The following LDLRAD4 variants were observed in gnomAD, a reference collection of about 807,000 sequenced individuals.
LDLRAD4 encodes low-density lipoprotein receptor class A domain-containing protein 4.
LDLRAD4 carries 5 observed loss-of-function variants against 17.0 expected under a neutral mutation model. That is an observed-to-expected ratio of 0.29 (90% CI 0.15 to 0.62). LDLRAD4 has a LOEUF of 0.62. LDLRAD4 is among the 20% of genes least tolerant of loss of function. LDLRAD4 has a pLI of 0.84. For missense variants in LDLRAD4, 340 were observed against 424.7 expected (o/e 0.80, Z 1.75); for synonymous variants, 168 against 171.8 (o/e 0.98, Z 0.17).
At chr18:13,319,569 A>T (rs2081111854) in intron 1 of LDLRAD4, among the ~76,000 whole-genome samples, 1 of 152,106 alleles carries the variant, frequency 6.6e-6, no homozygotes, top group African/African-American at 2.4e-5. Flanking sequence ...TCACTAGATG[A>T]CTCTCTCATT....
intron 1 of LDLRAD4, among the ~76,000 whole-genome samples, chr18:13,310,290 A>G (rs1416080726): frequency 1.3e-5 from 2 of 151,624 alleles, no homozygotes; most frequent in South Asian, 2.1e-4. Context: ...TCGATGCTGA[A>G]GTGAGCTATG....
At position 13,440,178 on chromosome 18, in the gene LDLRAD4, G is replaced by A. The variant is rs184765145; in HGVS notation, c.181+1794G>A. 2.8e-4 allele frequency among the ~76,000 whole-genome samples: 42 copies of A among 152,250 alleles called. No individual in the cohort carries two copies. The highest frequency in any genetic ancestry group is 9.1e-4 in the African/African-American group (38 of 41,548). ...GGAGCCCCGGCCTCTGCTCTGGGGC[G>A]CTCCACAGGCCTCTTCTGGTCTGCG... On this transcript the variant is annotated intron_variant, in intron 3 of 5. Coordinates refer to ENST00000359446, the Ensembl canonical transcript of LDLRAD4. The surrounding 1 kb of genome is among the most constrained non-coding windows in gnomAD (Gnocchi z 4.4).
intron 3 of LDLRAD4, among the ~76,000 whole-genome samples, chr18:13,605,836 G>C (rs975093100): frequency 1.3e-5 from 2 of 152,120 alleles, no homozygotes; most frequent in Non-Finnish European, 2.9e-5. Flanking sequence ...CCAAGCCCCC[G>C]GCTTGCTCAT....
intron 4 of LDLRAD4, among the ~76,000 whole-genome samples, chr18:13,625,192 A>T (rs2041022886): frequency 6.6e-6 from 1 of 152,214 alleles, no homozygotes; most frequent in South Asian, 2.1e-4. Flanking sequence ...CCATGAGCAC[A>T]TTAGAAAATG....
At chr18:13,407,178 G>A (rs1355239623) in intron 2 of LDLRAD4, among the ~76,000 whole-genome samples, 1 of 152,190 alleles carries the variant, frequency 6.6e-6, no homozygotes, top group South Asian at 2.1e-4. Flanking sequence ...TTGTGCATGA[G>A]TGTGCGACAC....
At chr18:13,602,836 A>T (rs2148647713) in intron 3 of LDLRAD4, among the ~76,000 whole-genome samples, 1 of 152,344 alleles carries the variant, frequency 6.6e-6, no homozygotes, top group Middle Eastern at 3.4e-3. Flanking sequence ...TTCAAGTCAC[A>T]AATAAGTAAA....
rs546694595 is a variant in LDLRAD4, at chr18:13,346,638, C to T, written c.-382-40703C>T. Among the ~76,000 whole-genome samples the T allele has an allele frequency of 5.3e-5, 8 of 152,280 alleles. 1 individual carries two copies. The South Asian group carries it at 1.5e-3, about 28-fold the overall frequency. ...TTCAATTCCTGGACATCCTTGTTGA[C>T]TTTCTGTCTCATTGATCTGTCTAAT... On this transcript the variant is annotated intron_variant, in intron 1 of 5. Coordinates refer to ENST00000359446, the Ensembl canonical transcript of LDLRAD4.
intron 1 of LDLRAD4, among the ~76,000 whole-genome samples, chr18:13,264,317 G>A (rs1385186488): frequency 2.6e-5 from 4 of 152,244 alleles, no homozygotes; most frequent in Admixed American, 6.5e-5. Context: ...TCCCAGCCCC[G>A]CCCCCGAGTT....
At chr18:13,593,738 C>T (rs28670601) in intron 3 of LDLRAD4, among the ~76,000 whole-genome samples, 12,844 of 152,166 alleles carry the variant, frequency 0.084, 1,472 homozygotes, top group African/African-American at 0.26. Flanking sequence ...TACATATAAG[C>T]GTCCTTTATA....
chr18:13,337,675 C>T (rs1251835518), intron 1 of LDLRAD4, among the ~76,000 whole-genome samples: 2 of 149,384 alleles, frequency 1.3e-5, no homozygotes, highest in Non-Finnish European at 2.9e-5. Context: ...GTGGTACGGT[C>T]GCTTGAAGCC....
intron 1 of LDLRAD4, among the ~76,000 whole-genome samples, chr18:13,341,445 C>T (rs1197612313): frequency 1.3e-5 from 2 of 151,784 alleles, no homozygotes; most frequent in Non-Finnish European, 2.9e-5. Context: ...CTTTTCCTTC[C>T]TTGGTTAAGC....
chr18:13,633,447 G>A (rs188370110), intron 4 of LDLRAD4, among the ~76,000 whole-genome samples: 334 of 152,266 alleles, frequency 2.2e-3, no homozygotes, highest in Admixed American at 3.8e-3. Context: ...TCATGTACAC[G>A]GTGCCCAGGC....
chr18:13,307,231 G>A (rs1351138882), intron 1 of LDLRAD4, among the ~76,000 whole-genome samples: 1 of 152,060 alleles, frequency 6.6e-6, no homozygotes, highest in Non-Finnish European at 1.5e-5. Context: ...TTCCTGTCCC[G>A]GTTCCCACCT....
At chr18:13,344,565 G>A (rs1310837604) in intron 1 of LDLRAD4, among the ~76,000 whole-genome samples, 1 of 152,158 alleles carries the variant, frequency 6.6e-6, no homozygotes, top group Non-Finnish European at 1.5e-5. Flanking sequence ...TGGCAATGTG[G>A]GCTCTTTTTT....
At position 13,640,811 on chromosome 18, in the gene LDLRAD4, C is replaced by T. The variant is rs114713416; in HGVS notation, c.337-2548C>T. Among the ~76,000 whole-genome samples the T allele has an allele frequency of 2.8e-3, 424 of 152,224 alleles. 2 individuals carry two copies. Among genetic ancestry groups the T allele is most frequent in the African/African-American group, 9.8e-3 (405 of 41,520 alleles). ...TGCGTTAGAAGACCTGCCGACAGGC[C>T]GGATAAGGCCAATGAGAGAGGGAAC... On this transcript the variant is annotated intron_variant, in intron 4 of 5. Coordinates refer to ENST00000359446, the Ensembl canonical transcript of LDLRAD4.
At chr18:13,384,948 G>A (rs2145172234) in intron 1 of LDLRAD4, among the ~76,000 whole-genome samples, 1 of 152,324 alleles carries the variant, frequency 6.6e-6, no homozygotes, top group Middle Eastern at 3.4e-3. Flanking sequence ...AATGAACACG[G>A]GAGTGTAGAT....
At chr18:13,355,792 T>G (rs922328579) in intron 1 of LDLRAD4, among the ~76,000 whole-genome samples, 1 of 152,028 alleles carries the variant, frequency 6.6e-6, no homozygotes, top group African/African-American at 2.4e-5. Context: ...CCACCATGCC[T>G]GGCTAATTAA....
intron 3 of LDLRAD4, among the ~76,000 whole-genome samples, chr18:13,573,191 G>A (rs187898601): frequency 8.5e-4 from 129 of 152,264 alleles, no homozygotes; most frequent in African/African-American, 2.5e-3. Flanking sequence ...TGCAGCCTCC[G>A]CCTCCCGGGT....
chr18:13,382,695 G>C (rs919611331), intron 1 of LDLRAD4: 2 of 152,338 alleles, frequency 1.3e-5, no homozygotes, highest in African/African-American at 4.8e-5. Context: ...TTGCTGCCTT[G>C]GGGGGGATCT....
Sources: gnomAD v4.1 joint callset for allele counts (sites outside exome capture counted in the v4.1 genomes callset) on GRCh38, gnomAD v4.1.1 for gene constraint, Gnocchi (gnomAD v3.1) non-coding constraint, MANE v1.5 for transcripts, NCBI Gene and HGNC (gene_info 2026-07-23, HGNC 2026-07-21) for gene names.